HERC1: variants seen among roughly 807,000 people sequenced by gnomAD.
HERC1 encodes the protein HECT and RLD domain containing E3 ubiquitin protein ligase family member 1, also known as probable E3 ubiquitin-protein ligase HERC1.
Under a neutral mutation model 554.3 loss-of-function variants are expected in HERC1, and 160 were observed. The ratio of observed to expected loss-of-function variants is 0.29; its 90% confidence interval spans 0.25 to 0.33. The LOEUF (loss-of-function observed/expected upper bound fraction) is 0.33. Among genes scored for constraint, HERC1 ranks in the 10% least tolerant of loss-of-function variants. The pLI is 1.00. For missense variants in HERC1, 4,919 were observed against 5,918.5 expected (o/e 0.83, Z 5.54); for synonymous variants, 2,175 against 2,131.7 (o/e 1.02, Z -0.56).
chr15:63,679,435 A>C (rs1199043317), intron 36 of HERC1, among the ~76,000 whole-genome samples: 1 of 152,234 alleles, frequency 6.6e-6, no homozygotes, highest in African/African-American at 2.4e-5. Flanking sequence ...TACATGATAA[A>C]ACCTGAAAGC....
intron 8 of HERC1, among the ~76,000 whole-genome samples, chr15:63,751,579 T>C (rs973498606): frequency 3.9e-5 from 6 of 152,154 alleles, no homozygotes; most frequent in African/African-American, 1.2e-4. Context: ...GACCATACTA[T>C]ATAGTATGGT....
chr15:63,789,386 G>A (rs542164773), intron 1 of HERC1, among the ~76,000 whole-genome samples: 3 of 151,674 alleles, frequency 2.0e-5, no homozygotes, highest in Non-Finnish European at 4.4e-5. Flanking sequence ...CACCGCGCCC[G>A]GCCAAAAGGT....
At chr15:63,744,233 G>A (rs764153945) in intron 12 of HERC1, among the ~76,000 whole-genome samples, 3 of 149,848 alleles carry the variant, frequency 2.0e-5, no homozygotes, top group Admixed American at 6.7e-5. Flanking sequence ...GGGGTGGAGT[G>A]ACACAAGCAC....
intron 54 of HERC1, among the ~76,000 whole-genome samples, chr15:63,648,723 G>A (rs773565229): frequency 3.3e-5 from 5 of 152,190 alleles, no homozygotes; most frequent in Admixed American, 6.5e-5. Flanking sequence ...AACAGTATCT[G>A]TGAGGGTAGA....
Position 63,749,286 on chromosome 15 carries a change from TTC to T in HERC1, c.2219+79_2219+80del, listed in dbSNP as rs985976169. ...TATTTTATGAACAAAGCACAATTAT[TTC>T]TGTTTTTATTAGTGTTTCTACTTTT... On this transcript the variant is annotated intron_variant, in intron 10 of 77. Coordinates refer to ENST00000443617, the MANE Select transcript of HERC1 (RefSeq NM_003922.4). This position sits in a 1 kb window ranked among gnomAD's most constrained non-coding sequence, Gnocchi z 4.1. The T allele has an allele frequency of 2.5e-5, 27 of 1,067,828 alleles. No individual in the cohort carries two copies. The highest frequency in any genetic ancestry group is 9.9e-5 in the Admixed American group (4 of 40,498). The allele number at this position is 1,067,828 out of a possible 1,614,324, so 66.1% of individuals were successfully genotyped here. A position where few individuals can be genotyped will look rare whatever the true frequency, so the allele number is the denominator to read the frequency against.
intron 19 of HERC1, among the ~76,000 whole-genome samples, chr15:63,720,103 C>CTTTTTTTTTTTGTTTTTTTTTT (rs2073748873): frequency 1.4e-5 from 1 of 71,608 alleles, no homozygotes; most frequent in Non-Finnish European, 2.7e-5. Flanking sequence ...TTTTTCTTCC[C>CTTTTTTTTTTTGTTTTTTTTTT]TTTTTTTTTT....
chr15:63,609,115 A>G lies in HERC1; in HGVS notation c.14552T>C (p.Val4851Ala), dbSNP rs781414862. ...DMDNYMLSRN[V>A]DNAEGSDTDY ...AGTGTCGGAGCCCTCGGCGTTGTCC[A>G]CGTTTCTCGAGAGCATGTAGTTGTC... Residue 4851 changes from valine (V) to alanine (A), a missense_variant, in exon 78 of 78, where the codon GTG becomes GCG. By Grantham distance (64) the Val-to-Ala change is moderately conservative (BLOSUM62 0). Transcript: ENST00000443617. 5.1e-5 allele frequency: 82 copies of G among 1,613,842 alleles called. 1 individual carries two copies. Among genetic ancestry groups the G allele is most frequent in the Non-Finnish European group, 6.2e-5 (73 of 1,179,876 alleles).
chr15:63,627,817 C>T (rs780278074), intron 70 of HERC1, among the ~76,000 whole-genome samples: 1 of 152,128 alleles, frequency 6.6e-6, no homozygotes, highest in Non-Finnish European at 1.5e-5. Flanking sequence ...GTGTTGAGCA[C>T]ACAAGTATGT....
Position 63,775,614 on chromosome 15 carries a change from T to G in HERC1, c.10A>C (p.Met4Leu). Residue 4 changes from methionine to leucine, a missense_variant, in exon 2 of 78, where the codon ATG becomes CTG. Met to Leu is a conservative substitution (Grantham distance 15, BLOSUM62 2). Transcript: ENST00000443617. This position sits in a 1 kb window ranked among gnomAD's most constrained non-coding sequence, Gnocchi z 4.0. ...CATTTCAGCTTCACTGGTGGAATCA[T>G]AGTTGCCATGTTGATTTATCCTTCA... MAT[M>L]IPPVKLKWLE... 2 of 1,593,492 alleles carry G rather than the reference T, an allele frequency of 1.3e-6. No individual in the cohort carries two copies. Among genetic ancestry groups the G allele is most frequent in the South Asian group, 1.2e-5 (1 of 86,812 alleles).
chr15:63,615,308 AAT>A (rs1451423471), intron 76 of HERC1, among the ~76,000 whole-genome samples: 1 of 152,218 alleles, frequency 6.6e-6, no homozygotes, highest in Non-Finnish European at 1.5e-5. Context: ...TAGGGTTTGG[AAT>A]ATAAATACAA....
intron 14 of HERC1, among the ~76,000 whole-genome samples, chr15:63,731,661 G>A (rs2074298292): frequency 6.6e-6 from 1 of 152,106 alleles, no homozygotes; most frequent in Admixed American, 6.5e-5. Flanking sequence ...AATGTGGGCG[G>A]GATAGAGCAC....
intron 1 of HERC1, among the ~76,000 whole-genome samples, chr15:63,821,658 T>G (rs1433900109): frequency 7.7e-6 from 1 of 129,512 alleles, no homozygotes; most frequent in Non-Finnish European, 1.6e-5. Context: ...TCTTGGGAGG[T>G]CAAGGCTGTA....
chr15:63,819,210 ATTT>A (rs2077600421), intron 1 of HERC1, among the ~76,000 whole-genome samples: 1 of 152,158 alleles, frequency 6.6e-6, no homozygotes, highest in Non-Finnish European at 1.5e-5. Context: ...GAACCAGTTC[ATTT>A]CTGGTTGCAT....
At chr15:63,773,244 A>C (rs1296693492) in intron 2 of HERC1, among the ~76,000 whole-genome samples, 1 of 152,066 alleles carries the variant, frequency 6.6e-6, no homozygotes, top group East Asian at 1.9e-4. Context: ...GGAGTTCCAG[A>C]CCAGCTATGG....
chr15:63,765,696 C>T (rs186837013), intron 2 of HERC1, among the ~76,000 whole-genome samples: 1 of 152,028 alleles, frequency 6.6e-6, no homozygotes, highest in Non-Finnish European at 1.5e-5. Flanking sequence ...CTCGAGTTAT[C>T]CCATCCTTTC....
At chr15:63,609,546 A>G (rs1312580810) in intron 77 of HERC1, among the ~76,000 whole-genome samples, 4 of 152,192 alleles carry the variant, frequency 2.6e-5, no homozygotes, top group Non-Finnish European at 4.4e-5. Context: ...GCTTGAGAGA[A>G]TACACTACGC....
intron 55 of HERC1, among the ~76,000 whole-genome samples, chr15:63,646,261 A>G (rs1393951224): frequency 1.3e-5 from 2 of 152,218 alleles, no homozygotes; most frequent in Non-Finnish European, 2.9e-5. Flanking sequence ...AGGTAAAAAA[A>G]TCATTCTTCA....
At chr15:63,826,008 C>G (rs2077889777) in intron 1 of HERC1, among the ~76,000 whole-genome samples, 1 of 151,994 alleles carries the variant, frequency 6.6e-6, no homozygotes, top group Non-Finnish European at 1.5e-5. Flanking sequence ...GGTGATCCAC[C>G]CACCTCAGCC....
chr15:63,615,663 T>C, intron 76 of HERC1, 105 bp downstream of exon 76: 3 of 774,600 alleles, frequency 3.9e-6, no homozygotes, highest in East Asian at 6.0e-5. Context: ...TACAGAGGAA[T>C]TAACACAGTA....
Sources: allele counts gnomAD v4.1 joint callset (sites outside exome capture counted in the v4.1 genomes callset), GRCh38; gene constraint gnomAD v4.1.1; non-coding constraint Gnocchi (gnomAD v3.1); transcripts MANE v1.5; gene names NCBI Gene and HGNC (gene_info 2026-07-23, HGNC 2026-07-21).